CACNA1D: variants seen among roughly 807,000 people sequenced by gnomAD.
The protein encoded by CACNA1D is voltage-dependent L-type calcium channel subunit alpha-1D.
In CACNA1D, 55 loss-of-function variants were observed where a neutral mutation model predicts 257.1. The observed-to-expected ratio is 0.21, with a 90% CI of 0.17 to 0.27. The LOEUF (loss-of-function observed/expected upper bound fraction) is 0.27, where lower values mean the gene tolerates loss of function less well. CACNA1D is among the 10% of genes least tolerant of loss of function. The pLI, the probability that CACNA1D is intolerant of heterozygous loss-of-function variation, is 1.00. For synonymous variants in CACNA1D, 980 were observed against 1,014.9 expected (o/e 0.97, Z 0.65); for missense variants, 1,876 against 2,784.0 (o/e 0.67, Z 7.34).
intron 3 of CACNA1D, among the ~76,000 whole-genome samples, chr3:53,532,827 C>T (rs530134473): frequency 1.3e-5 from 2 of 152,292 alleles, no homozygotes; most frequent in South Asian, 4.1e-4. Flanking sequence ...ACTCCAGCCC[C>T]CGCTCTCCTT....
At chr3:53,616,181 G>A (rs1055235624) in intron 3 of CACNA1D, among the ~76,000 whole-genome samples, 1 of 152,168 alleles carries the variant, frequency 6.6e-6, no homozygotes, top group African/African-American at 2.4e-5. Context: ...GGCTGTGCAC[G>A]TAGCAGGGTT....
chr3:53,646,001 C>T (rs1271709340), intron 3 of CACNA1D, among the ~76,000 whole-genome samples: 2 of 152,200 alleles, frequency 1.3e-5, no homozygotes, highest in Non-Finnish European at 2.9e-5. Flanking sequence ...CCGCTGGGTG[C>T]GTTTTTGGCC....
At chr3:53,543,852 G>A (rs1232277349) in intron 3 of CACNA1D, among the ~76,000 whole-genome samples, 1 of 152,006 alleles carries the variant, frequency 6.6e-6, no homozygotes, top group Non-Finnish European at 1.5e-5. Context: ...GGGGGAGAGG[G>A]GCAATGGAAT....
intron 21 of CACNA1D, among the ~76,000 whole-genome samples, chr3:53,742,063 A>G (rs2095123448): frequency 6.6e-6 from 1 of 152,226 alleles, no homozygotes. Context: ...CTCACCAAGA[A>G]GTGTCTAATA....
At chr3:53,744,672 G>A in intron 22 of CACNA1D, 68 bp from the exon 23 acceptor site, 1 of 861,460 alleles carries the variant, frequency 1.2e-6, no homozygotes, top group Non-Finnish European at 2.0e-6. Flanking sequence ...CCAGTGAAAG[G>A]GTGAATCTCA....
intron 3 of CACNA1D, among the ~76,000 whole-genome samples, chr3:53,573,457 C>T (rs913473025): frequency 2.3e-4 from 35 of 152,180 alleles, no homozygotes; most frequent in African/African-American, 8.4e-4. Context: ...GTGGCTGACT[C>T]TCATTTTCTT....
chr3:53,809,043 C>G (rs916378517), intron 46 of CACNA1D: 1 of 483,762 alleles, frequency 2.1e-6, no homozygotes, highest in African/African-American at 1.9e-5. Context: ...GCGATCCCCA[C>G]CACCTCTTCC....
At chr3:53,570,837 T>C (rs553775719) in intron 3 of CACNA1D, among the ~76,000 whole-genome samples, 1 of 152,332 alleles carries the variant, frequency 6.6e-6, no homozygotes, top group South Asian at 2.1e-4. Context: ...TAGCAAAGGC[T>C]AAAAATGGTC....
At chr3:53,639,473 G>C (rs1440544602) in intron 3 of CACNA1D, among the ~76,000 whole-genome samples, 1 of 151,166 alleles carries the variant, frequency 6.6e-6, no homozygotes. Context: ...TGCAACTTCC[G>C]CCTCCTGGGT....
At chr3:53,642,882 G>A (rs1022792503) in intron 3 of CACNA1D, among the ~76,000 whole-genome samples, 1 of 152,200 alleles carries the variant, frequency 6.6e-6, no homozygotes, top group Admixed American at 6.5e-5. Flanking sequence ...CCCACAGGCT[G>A]GGGAGCTGTC....
intron 3 of CACNA1D, among the ~76,000 whole-genome samples, chr3:53,567,302 T>A (rs2092861787): frequency 6.6e-6 from 1 of 152,208 alleles, no homozygotes; most frequent in Non-Finnish European, 1.5e-5. Context: ...TTATGTACAA[T>A]CTCTGTACAG....
chr3:53,658,616 C>T (rs1472816689), intron 4 of CACNA1D, among the ~76,000 whole-genome samples: 1 of 152,210 alleles, frequency 6.6e-6, no homozygotes, highest in African/African-American at 2.4e-5. Flanking sequence ...TTGCACATTT[C>T]AGAAGAGTTT....
At chr3:53,604,458 G>T (rs557105604) in intron 3 of CACNA1D, among the ~76,000 whole-genome samples, 51 of 152,336 alleles carry the variant, frequency 3.3e-4, no homozygotes, top group African/African-American at 1.2e-3. Context: ...TTGAGGAGGA[G>T]AAGGAGGATT....
At chr3:53,659,752 G>A (rs1396489969) in intron 4 of CACNA1D, among the ~76,000 whole-genome samples, 1 of 152,232 alleles carries the variant, frequency 6.6e-6, no homozygotes, top group African/African-American at 2.4e-5. Flanking sequence ...GAGAATTAAT[G>A]TGACAATGTA....
chr3:53,622,631 TA>T (rs1199366962), intron 3 of CACNA1D, among the ~76,000 whole-genome samples: 1 of 151,884 alleles, frequency 6.6e-6, no homozygotes, highest in African/African-American at 2.4e-5. Flanking sequence ...GGTTGGAGGG[TA>T]GGGGGCGGGA....
intron 3 of CACNA1D, among the ~76,000 whole-genome samples, chr3:53,520,856 T>C (rs1006132931): frequency 1.3e-5 from 1 of 77,744 alleles, no homozygotes; most frequent in African/African-American, 6.1e-5. Context: ...ACTCCTTTCT[T>C]TCTTTCTTTC....
At chr3:53,769,127 G>GGCACCAT (rs2095351893) in intron 30 of CACNA1D, among the ~76,000 whole-genome samples, 1 of 152,236 alleles carries the variant, frequency 6.6e-6, no homozygotes, top group Non-Finnish European at 1.5e-5. Context: ...GGTAGTGCTA[G>GGCACCAT]GCACCATGCT....
intron 3 of CACNA1D, among the ~76,000 whole-genome samples, chr3:53,609,549 A>G (rs1462017676): frequency 1.3e-5 from 2 of 151,786 alleles, no homozygotes; most frequent in African/African-American, 4.8e-5. Flanking sequence ...CATCAAATTT[A>G]TTGGCATAAA....
chr3:53,664,608 C>G (rs889708034), intron 5 of CACNA1D, among the ~76,000 whole-genome samples: 4 of 152,266 alleles, frequency 2.6e-5, no homozygotes, highest in African/African-American at 7.2e-5. Flanking sequence ...GCTTTTGGTA[C>G]TCTGTTCTTC....
Sources: gnomAD v4.1 joint callset for allele counts (sites outside exome capture counted in the v4.1 genomes callset) on GRCh38, gnomAD v4.1.1 for gene constraint, MANE v1.5 for transcripts, NCBI Gene and HGNC (gene_info 2026-07-23, HGNC 2026-07-21) for gene names.